Variants in GALNT18 observed in about 807,000 individuals in gnomAD.
The protein encoded by GALNT18 is polypeptide N-acetylgalactosaminyltransferase 18, also known as GalNAc-transferase 18.
In GALNT18, 44 loss-of-function variants were observed where a neutral mutation model predicts 69.5. That is an observed-to-expected ratio of 0.63 (90% CI 0.50 to 0.81). The LOEUF is 0.81. Ranked by LOEUF, GALNT18 falls within the 40% of genes least tolerant of loss-of-function variation. GALNT18 has a pLI of 0.00. For missense variants in GALNT18, 715 were observed against 810.0 expected, an observed-to-expected ratio of 0.88 and a Z score of 1.42; for synonymous variants, 364 against 318.2, an observed-to-expected ratio of 1.14 and a Z score of -1.53.
intron 2 of GALNT18, among the ~76,000 whole-genome samples, chr11:11,442,398 T>A (rs1264801900): frequency 1.3e-5 from 2 of 152,206 alleles, no homozygotes; most frequent in Admixed American, 1.3e-4. Context: ...CATTACATAC[T>A]CATAGGTATG....
intron 1 of GALNT18, among the ~76,000 whole-genome samples, chr11:11,486,781 C>T (rs750661146): frequency 1.4e-4 from 22 of 152,228 alleles, no homozygotes; most frequent in African/African-American, 2.2e-4. Flanking sequence ...AGACCAGTCC[C>T]GGGATGGCTT....
intron 2 of GALNT18, among the ~76,000 whole-genome samples, chr11:11,446,662 G>A (rs982079967): frequency 2.0e-5 from 3 of 152,134 alleles, no homozygotes; most frequent in African/African-American, 7.2e-5. Context: ...CATGGTCCAG[G>A]CCACCACTGC....
chr11:11,276,703 G>C (rs376253565), intron 10 of GALNT18, among the ~76,000 whole-genome samples: 1 of 151,722 alleles, frequency 6.6e-6, no homozygotes, highest in Admixed American at 6.5e-5. Flanking sequence ...CTAGTTTATT[G>C]AGAGTGTTTG....
intron 3 of GALNT18, among the ~76,000 whole-genome samples, chr11:11,393,736 A>T (rs1564926571): frequency 6.6e-6 from 1 of 152,222 alleles, no homozygotes; most frequent in Non-Finnish European, 1.5e-5. Context: ...ACTGCCAAAG[A>T]CTATCAGCCC....
In GALNT18 at chr11:11,606,945, G is replaced by T. The variant is rs1859772014; in HGVS notation, c.235+14414C>A. Among the ~76,000 whole-genome samples, 1 of 152,206 alleles carries T rather than the reference G, an allele frequency of 6.6e-6. No individual in the cohort carries two copies. Among genetic ancestry groups the T allele is most frequent in the Non-Finnish European group, 1.5e-5 (1 of 68,044 alleles). ...GTTATTTGCAACTCTAACATGGTCTGATTTTAACTAGAGAGCCTTCAGACA... is the reference window on the plus strand; with the variant it reads ...GTTATTTGCAACTCTAACATGGTCTTATTTTAACTAGAGAGCCTTCAGACA... On this transcript the variant is annotated intron_variant, in intron 1 of 10. Transcript: ENST00000227756. The surrounding 1 kb of genome is among the most constrained non-coding windows in gnomAD (Gnocchi z 5.4).
rs907906216 is a variant in GALNT18 at position 11,542,683 on chromosome 11, C to A, written c.235+78676G>T. ...CTCTGCTACTTTCTAGTTGTGTAATCTTGGTCACCTCTCTGCGTGTATCAC... is the reference window on the plus strand; with the variant it reads ...CTCTGCTACTTTCTAGTTGTGTAATATTGGTCACCTCTCTGCGTGTATCAC... On this transcript the variant is annotated intron_variant, in intron 1 of 10. Coordinates refer to ENST00000227756, the MANE Select transcript of GALNT18 (RefSeq NM_198516.3). The surrounding 1 kb of genome is among the most constrained non-coding windows in gnomAD (Gnocchi z 4.3). 6.6e-6 allele frequency among the ~76,000 whole-genome samples: 1 copy of A among 152,224 alleles called. No homozygotes were observed. Among genetic ancestry groups the A allele is most frequent in the African/African-American group, 2.4e-5 (1 of 41,458 alleles).
chr11:11,282,732 CTA>C (rs780598945), intron 10 of GALNT18, among the ~76,000 whole-genome samples: 142 of 152,270 alleles, frequency 9.3e-4, no homozygotes, highest in Non-Finnish European at 1.1e-3. Context: ...TGCAGAGACA[CTA>C]TTCATTAATC....
Position 11,469,719 on chromosome 11 carries a change from T to G in GALNT18, c.236-20783A>C, listed in dbSNP as rs1020779259. Among the ~76,000 whole-genome samples the G allele has an allele frequency of 1.3e-5, 2 of 151,926 alleles. No homozygotes were observed. The highest frequency in any genetic ancestry group is 2.4e-5 in the African/African-American group (1 of 41,350). On this transcript the variant is annotated intron_variant, in intron 1 of 10. Coordinates refer to ENST00000227756, the MANE Select transcript of GALNT18 (RefSeq NM_198516.3). This position sits in a 1 kb window ranked among gnomAD's most constrained non-coding sequence, Gnocchi z 4.2. ...GATTTGCTAAAAGGTGGACTGTGAG[T>G]TGGTTGTTGGGGAATGAGTATAGGC...
chr11:11,387,554 T>C lies in GALNT18; in HGVS notation c.596-8290A>G, dbSNP rs773165181. On this transcript the variant is annotated intron_variant, in intron 3 of 10. Coordinates refer to ENST00000227756, the MANE Select transcript of GALNT18 (RefSeq NM_198516.3). This position sits in a 1 kb window ranked among gnomAD's most constrained non-coding sequence, Gnocchi z 4.6. ...TGTTTATTCCTTTCCAAGTGAAAAG[T>C]GGCTTGTCTTCTTCAGATCAGAAGA... 1.3e-5 allele frequency among the ~76,000 whole-genome samples: 2 copies of C among 152,236 alleles called. No homozygotes were observed. Among genetic ancestry groups the C allele is most frequent in the African/African-American group, 4.8e-5 (2 of 41,450 alleles).
chr11:11,621,382 T>C lies in GALNT18; in HGVS notation c.212A>G (p.Asn71Ser). ...ACCTTGAATGTGCTGCTTGATGACA[T>C]TCTCCAGGTGGTCCAGCCGCTCAAT... is the stretch of plus-strand genomic sequence containing the variant. Reference protein sequence around the residue: ...KIIERLDHLENVIKQHIQEAP... With the variant: ...KIIERLDHLESVIKQHIQEAP... The change falls in exon 1 of 11, where the codon AAT becomes AGT. Residue 71 changes from asparagine (N) to serine (S), a missense_variant. Coordinates refer to ENST00000227756, the MANE Select transcript of GALNT18 (RefSeq NM_198516.3). This position sits in a 1 kb window ranked among gnomAD's most constrained non-coding sequence, Gnocchi z 9.3. The C allele has an allele frequency of 6.2e-7, 1 of 1,613,942 alleles. No individual in the cohort carries two copies. Among genetic ancestry groups the C allele is most frequent in the Non-Finnish European group, 8.5e-7 (1 of 1,179,952 alleles).
chr11:11,553,817 C>T (rs891025134), intron 1 of GALNT18, among the ~76,000 whole-genome samples: 3 of 152,114 alleles, frequency 2.0e-5, no homozygotes, highest in South Asian at 2.1e-4. Flanking sequence ...GTGCCAAGGT[C>T]GCCTGCCATG....
chr11:11,448,907 C>T lies in GALNT18; in HGVS notation c.265G>A (p.Ala89Thr), dbSNP rs1564954952. The change falls in exon 2 of 11, where the codon GCC becomes ACC. Residue 89 changes from alanine (A) to threonine (T), a missense_variant. Transcript: ENST00000227756. ...AGAGAGGAGTCTGTGAAGGGCTCGGCCTCTGCCTCCTCAGGCTTGGCAGGA... is the reference window on the plus strand; with the variant it reads ...AGAGAGGAGTCTGTGAAGGGCTCGGTCTCTGCCTCCTCAGGCTTGGCAGGA... ...EAPAKPEEAE[A>T]EPFTDSSLFA... 1 of 1,597,824 alleles carries T rather than the reference C, an allele frequency of 6.3e-7. No individual in the cohort carries two copies. The highest frequency in any genetic ancestry group is 1.7e-5 in the Admixed American group (1 of 57,718).
chr11:11,370,064 C>T (rs947460501), intron 6 of GALNT18, among the ~76,000 whole-genome samples: 2 of 142,218 alleles, frequency 1.4e-5, no homozygotes, highest in African/African-American at 5.6e-5. Context: ...CCTAATTTCA[C>T]AGTATCTTAT....
At position 11,382,809 on chromosome 11, in the gene GALNT18, G is replaced by C. The variant is rs1295699586; in HGVS notation, c.596-3545C>G. On this transcript the variant is annotated intron_variant, in intron 3 of 10. Coordinates refer to ENST00000227756, the MANE Select transcript of GALNT18 (RefSeq NM_198516.3). The surrounding 1 kb of genome is among the most constrained non-coding windows in gnomAD (Gnocchi z 4.3). ...AAATAACATTTAATAAAGTGTCTTG[G>C]TGGGTTAGGACAGTAGTATAATTGT... is the stretch of plus-strand genomic sequence containing the variant. Among the ~76,000 whole-genome samples the C allele has an allele frequency of 6.6e-6, 1 of 151,980 alleles. No homozygotes were observed. Among genetic ancestry groups the C allele is most frequent in the Non-Finnish European group, 1.5e-5 (1 of 68,014 alleles).
rs1370963211 is a variant in GALNT18 at position 11,465,007 on chromosome 11, T to C, written c.236-16071A>G. ...GGATGGAATTACGAGCAGTGGGGAG[T>C]TGTTGGGGTGGCTGCTTATTATTTC... On this transcript the variant is annotated intron_variant, in intron 1 of 10. Transcript: ENST00000227756. This position sits in a 1 kb window ranked among gnomAD's most constrained non-coding sequence, Gnocchi z 5.7. Among the ~76,000 whole-genome samples, 2 of 151,870 alleles carry C rather than the reference T, an allele frequency of 1.3e-5. No individual in the cohort carries two copies. Among genetic ancestry groups the C allele is most frequent in the East Asian group, 3.9e-4 (2 of 5,172 alleles).
In GALNT18 at chr11:11,592,315, A is replaced by T. The variant is rs908150404; in HGVS notation, c.235+29044T>A. Among the ~76,000 whole-genome samples the T allele has an allele frequency of 1.1e-4, 16 of 152,190 alleles. No homozygotes were observed. The highest frequency in any genetic ancestry group is 3.9e-4 in the African/African-American group (16 of 41,442). ...GCACGGTTACGAAAAAAAATCAAAGATGTTTCCCACACATTGTCCAGCAGA... is the reference window on the plus strand; with the variant it reads ...GCACGGTTACGAAAAAAAATCAAAGTTGTTTCCCACACATTGTCCAGCAGA... On this transcript the variant is annotated intron_variant, in intron 1 of 10. Transcript: ENST00000227756. This position sits in a 1 kb window ranked among gnomAD's most constrained non-coding sequence, Gnocchi z 5.9.
In GALNT18 at chr11:11,621,767, T is replaced by C. The variant is rs1316575120; in HGVS notation, c.-174A>G. The C allele has an allele frequency of 1.7e-6, 1 of 601,562 alleles. No individual in the cohort carries two copies. Among genetic ancestry groups the C allele is most frequent in the Non-Finnish European group, 2.9e-6 (1 of 339,348 alleles). 37.3% of individuals were successfully genotyped at this position (601,562 alleles called of 1,614,324 possible). A position where few individuals can be genotyped will look rare whatever the true frequency, so the allele number is the denominator to read the frequency against. On this transcript the variant is annotated 5_prime_UTR_variant, in exon 1 of 11. Coordinates refer to ENST00000227756, the MANE Select transcript of GALNT18 (RefSeq NM_198516.3). This position sits in a 1 kb window ranked among gnomAD's most constrained non-coding sequence, Gnocchi z 9.3. ...CCGGTGTAGCCGCCGTGCCCAAGTT[T>C]GCAGCTCCTGCCGCTGGCCACCCGG...
chr11:11,512,042 T>C (rs1857176600), intron 1 of GALNT18, among the ~76,000 whole-genome samples: 1 of 152,228 alleles, frequency 6.6e-6, no homozygotes, highest in East Asian at 1.9e-4. Flanking sequence ...TGTATACATA[T>C]ACATACACAG....
In GALNT18 at chr11:11,621,465, C is replaced by T. The variant is rs769935581; in HGVS notation, c.129G>A (p.Gly43=). 8 of 1,614,036 alleles carry T rather than the reference C, an allele frequency of 5.0e-6. No individual in the cohort carries two copies. The highest frequency in any genetic ancestry group is 6.8e-6 in the Non-Finnish European group (8 of 1,180,028). The change falls in exon 1 of 11, where the codon GGG becomes GGA. Residue 43 remains glycine, a synonymous_variant. Transcript: ENST00000227756. This position sits in a 1 kb window ranked among gnomAD's most constrained non-coding sequence, Gnocchi z 9.3. ...TNYIASVYVR[G]QEPAPDKKLE... ...GCTTCTTGTCGGGCGCCGGCTCCTG[C>T]CCCCGCACATACACGCTGGCGATGT...
Sources: gnomAD v4.1 joint callset for allele counts (sites outside exome capture counted in the v4.1 genomes callset) on GRCh38, gnomAD v4.1.1 for gene constraint, Gnocchi (gnomAD v3.1) non-coding constraint, MANE v1.5 for transcripts, NCBI Gene and HGNC (gene_info 2026-07-23, HGNC 2026-07-21) for gene names.